TAMM41: variants seen among roughly 807,000 people sequenced by gnomAD.
TAMM41 encodes the protein TAM41 mitochondrial translocator assembly and maintenance homolog.
TAMM41 carries 36 observed loss-of-function variants against 44.1 expected under a neutral mutation model. The ratio of observed to expected loss-of-function variants is 0.82; its 90% CI spans 0.63 to 1.08. The LOEUF (loss-of-function observed/expected upper bound fraction) is 1.08, where lower values mean the gene tolerates loss of function less well. TAMM41 is among the 50% of genes least tolerant of loss of function. TAMM41 has a pLI of 0.00. For missense variants in TAMM41, 417 were observed against 404.3 expected (o/e 1.03, Z -0.27); for synonymous variants, 164 against 153.1 (o/e 1.07, Z -0.53).
In TAMM41 at chr3:11,839,238, C is replaced by T; in HGVS notation, c.395G>A (p.Gly132Glu). ...AACACTCACCGGTTTTTGGAGTCGT[C>T]CAGCAATGTATAAGTTATTCCAGTT... ...LLNWNNLYIA[G>E]RLQKPVKIIS... The change falls in exon 3 of 8, where the codon GGA (glycine) becomes GAA (glutamate). Residue 132 changes from glycine to glutamate, a missense_variant. Gly to Glu is a moderately conservative substitution (Grantham distance 98). Transcript: ENST00000455809. The T allele has an allele frequency of 1.2e-6, 2 of 1,613,028 alleles. No homozygotes were observed. Among genetic ancestry groups the T allele is most frequent in the Non-Finnish European group, 1.7e-6 (2 of 1,179,362 alleles).
the TAMM41 span, among the ~76,000 whole-genome samples, chr3:11,756,908 C>T: frequency 7.9e-5 from 12 of 151,428 alleles, no homozygotes; most frequent in Non-Finnish European, 1.0e-4. Context: ...TTCCAGATTC[C>T]AAAGCCCATG....
chr3:11,764,858 C>T, the TAMM41 span, among the ~76,000 whole-genome samples: 1 of 152,136 alleles, frequency 6.6e-6, no homozygotes, highest in Non-Finnish European at 1.5e-5. Flanking sequence ...AAGTTATATA[C>T]AAACCTTTTC....
intron 7 of TAMM41, among the ~76,000 whole-genome samples, chr3:11,801,831 A>G (rs981098277): frequency 6.6e-6 from 1 of 151,282 alleles, no homozygotes; most frequent in Non-Finnish European, 1.5e-5. Flanking sequence ...GAAAAAAAAT[A>G]ACTAAACTCA....
chr3:11,794,758 T>C (rs948437499), intron 7 of TAMM41, among the ~76,000 whole-genome samples: 2 of 152,214 alleles, frequency 1.3e-5, no homozygotes, highest in African/African-American at 4.8e-5. Flanking sequence ...GATGGGCTAC[T>C]GACAGACAAA....
chr3:11,770,442 C>G, the TAMM41 span, among the ~76,000 whole-genome samples: 1 of 152,222 alleles, frequency 6.6e-6, no homozygotes, highest in African/African-American at 2.4e-5. Flanking sequence ...ATCACTGGCT[C>G]TCAACTGGGA....
At chr3:11,756,059 A>G in the TAMM41 span, among the ~76,000 whole-genome samples, 1 of 152,046 alleles carries the variant, frequency 6.6e-6, no homozygotes, top group Non-Finnish European at 1.5e-5. Flanking sequence ...CTTAGCAATC[A>G]CTGTGTCCAT....
At chr3:11,728,681 C>T in the TAMM41 span, among the ~76,000 whole-genome samples, 1,740 of 152,210 alleles carry the variant, frequency 0.011, 40 homozygotes, top group African/African-American at 0.039. Flanking sequence ...TGATTGAGGG[C>T]GATGTTCCAA....
chr3:11,836,947 A>G (rs2079203544), intron 3 of TAMM41, among the ~76,000 whole-genome samples: 2 of 152,246 alleles, frequency 1.3e-5, no homozygotes, highest in Admixed American at 1.3e-4. Flanking sequence ...TGGACTTTAA[A>G]AAATGTTTTT....
chr3:11,824,915 T>C (rs1471582775), intron 4 of TAMM41, among the ~76,000 whole-genome samples: 1 of 152,056 alleles, frequency 6.6e-6, no homozygotes, highest in Non-Finnish European at 1.5e-5. Context: ...GGAGTTGCAG[T>C]AGCAGTCAGG....
At chr3:11,835,713 T>C (rs2079145356) in intron 3 of TAMM41, among the ~76,000 whole-genome samples, 1 of 152,224 alleles carries the variant, frequency 6.6e-6, no homozygotes, top group Admixed American at 6.5e-5. Context: ...CAATTTCATT[T>C]CTATCTCAAA....
At chr3:11,826,564 G>A (rs2078759914) in intron 4 of TAMM41, among the ~76,000 whole-genome samples, 1 of 147,242 alleles carries the variant, frequency 6.8e-6, no homozygotes, top group African/African-American at 2.5e-5. Context: ...GATGTTGGAA[G>A]CTATTATACG....
intron 6 of TAMM41, chr3:11,808,895 A>C (rs1048099012): frequency 3.9e-5 from 6 of 153,462 alleles, no homozygotes. Context: ...CTACTTTTGT[A>C]ATTTTTGCAG....
rs1427593508 is a variant in TAMM41, at chr3:11,832,121, C to T, written c.412-2257G>A. ...TCATTTAGGGTTATATTCTGGTTAA[C>T]TTATCTTGAAAGATGATTAAAACAA... On this transcript the variant is annotated intron_variant, in intron 3 of 7. Transcript: ENST00000455809. 2.6e-5 allele frequency among the ~76,000 whole-genome samples: 4 copies of T among 152,178 alleles called. No individual in the cohort carries two copies. The East Asian group carries it at 7.7e-4, about 29-fold the overall frequency.
the TAMM41 span, among the ~76,000 whole-genome samples, chr3:11,747,639 T>TG: frequency 6.6e-6 from 1 of 151,184 alleles, no homozygotes; most frequent in Non-Finnish European, 1.5e-5. Flanking sequence ...TATGGTGGTG[T>TG]GCGCCTGTAG....
At chr3:11,830,234 T>A (rs186268351) in intron 3 of TAMM41, among the ~76,000 whole-genome samples, 2 of 152,250 alleles carry the variant, frequency 1.3e-5, no homozygotes, top group African/African-American at 4.8e-5. Flanking sequence ...TTTACCTCTT[T>A]ATTTAGACCT....
At chr3:11,746,028 C>G in the TAMM41 span, among the ~76,000 whole-genome samples, 1 of 152,200 alleles carries the variant, frequency 6.6e-6, no homozygotes, top group South Asian at 2.1e-4. Flanking sequence ...AGGCCGGGCG[C>G]GGTCGCTCAC....
intron 6 of TAMM41, chr3:11,809,256 G>A (rs2078014019): frequency 2.1e-6 from 1 of 475,070 alleles, no homozygotes; most frequent in Non-Finnish European, 3.7e-6. Flanking sequence ...TGTGCTCTAG[G>A]AACCAAAAGA....
the TAMM41 span, among the ~76,000 whole-genome samples, chr3:11,730,029 C>T: frequency 4.6e-5 from 7 of 152,150 alleles, no homozygotes; most frequent in Non-Finnish European, 8.8e-5. Flanking sequence ...TCTCATTGAA[C>T]AATCTTTCAA....
At chr3:11,777,108 G>C in the TAMM41 span, among the ~76,000 whole-genome samples, 1 of 152,172 alleles carries the variant, frequency 6.6e-6, no homozygotes, top group Non-Finnish European at 1.5e-5. Flanking sequence ...TTTGCTAAGA[G>C]AGTAGCTCCT....
Sources: allele counts gnomAD v4.1 joint callset (sites outside exome capture counted in the v4.1 genomes callset), GRCh38; gene constraint gnomAD v4.1.1; transcripts MANE v1.5; gene names NCBI Gene and HGNC (gene_info 2026-07-23, HGNC 2026-07-21).